The following RALGAPB variants were observed in gnomAD, a reference collection of about 807,000 sequenced individuals.
RALGAPB encodes the protein Ral GTPase activating protein non-catalytic subunit beta, also known as ral GTPase-activating protein subunit beta.
Under a neutral mutation model 161.1 loss-of-function variants are expected in RALGAPB, and 25 were observed. The ratio of observed to expected loss-of-function variants is 0.16; its 90% confidence interval spans 0.11 to 0.22. RALGAPB has a LOEUF of 0.22. RALGAPB is among the 10% of genes least tolerant of loss of function. The pLI is 1.00. For missense variants in RALGAPB, 1,391 were observed against 1,815.2 expected (o/e 0.77, Z 4.25); for synonymous variants, 629 against 626.1 (o/e 1.00, Z -0.07).
intron 9 of RALGAPB, among the ~76,000 whole-genome samples, chr20:38,518,274 T>A (rs1014148888): frequency 1.3e-5 from 2 of 152,210 alleles, no homozygotes; most frequent in Non-Finnish European, 2.9e-5. Flanking sequence ...ATCAGATTTC[T>A]TTCAGTAGGT....
intron 1 of RALGAPB, among the ~76,000 whole-genome samples, chr20:38,485,045 T>C (rs1277045584): frequency 1.3e-5 from 2 of 152,202 alleles, no homozygotes; most frequent in Non-Finnish European, 2.9e-5. Flanking sequence ...GTTCTAAAGA[T>C]AATGAAGCTT....
chr20:38,526,055 A>G lies in RALGAPB; in HGVS notation c.2050+13A>G. 6.2e-7 allele frequency: 1 copy of G among 1,613,214 alleles called. No homozygotes were observed. ...CAAATGATATTAGGTTTGTATTCAC[A>G]CGTTATTTTGTAAGTGAAACCAAAG... On this transcript the variant is annotated intron_variant, in intron 13 of 29. Coordinates refer to ENST00000262879, the MANE Select transcript of RALGAPB (RefSeq NM_020336.4).
intron 13 of RALGAPB, among the ~76,000 whole-genome samples, chr20:38,529,525 AAAAAT>A (rs985012153): frequency 2.0e-5 from 3 of 150,366 alleles, no homozygotes; most frequent in Admixed American, 1.3e-4. Flanking sequence ...CTCAAAAAAA[AAAAAT>A]AAAATAAAAA....
At chr20:38,557,682 A>G (rs954583912) in intron 22 of RALGAPB, among the ~76,000 whole-genome samples, 3 of 152,208 alleles carry the variant, frequency 2.0e-5, no homozygotes, top group Non-Finnish European at 4.4e-5. Context: ...TTCATTCAGT[A>G]TGCATTTAAT....
intron 1 of RALGAPB, among the ~76,000 whole-genome samples, chr20:38,481,317 G>T (rs1230456423): frequency 6.6e-6 from 1 of 152,112 alleles, no homozygotes; most frequent in Non-Finnish European, 1.5e-5. Context: ...CTGTTTTCAT[G>T]CTGCTGATAA....
intron 3 of RALGAPB, among the ~76,000 whole-genome samples, chr20:38,497,114 G>A (rs6070361): frequency 0.011 from 1,614 of 152,270 alleles, 14 homozygotes; most frequent in Non-Finnish European, 0.017. Context: ...TAGTATTCCC[G>A]CCTTCCTCCC....
At chr20:38,546,188 G>A in intron 18 of RALGAPB, 55 bp from the exon 19 acceptor site, 1 of 1,608,906 alleles carries the variant, frequency 6.2e-7, no homozygotes, top group Non-Finnish European at 8.5e-7. Flanking sequence ...GATGCACAAG[G>A]TAAACTGAAG....
intron 13 of RALGAPB, among the ~76,000 whole-genome samples, chr20:38,528,361 ATTTATTT>A (rs2086537710): frequency 2.0e-5 from 3 of 149,954 alleles, no homozygotes; most frequent in Admixed American, 2.0e-4. Flanking sequence ...TTATTTATTT[ATTTATTT>A]ATTTATTTAT....
chr20:38,558,189 T>A (rs2087655599), intron 22 of RALGAPB, 106 bp from the exon 23 acceptor site: 1 of 988,418 alleles, frequency 1.0e-6, no homozygotes, highest in Non-Finnish European at 1.4e-6. Flanking sequence ...TACCATTCTA[T>A]ATTTTTTAAT....
intron 10 of RALGAPB, among the ~76,000 whole-genome samples, chr20:38,523,342 TG>T (rs776936928): frequency 6.6e-6 from 1 of 152,116 alleles, no homozygotes; most frequent in East Asian, 1.9e-4. Flanking sequence ...CCACTTGTTG[TG>T]GGGGCATGTT....
chr20:38,485,636 A>G (rs1459239547), intron 1 of RALGAPB, among the ~76,000 whole-genome samples: 1 of 152,154 alleles, frequency 6.6e-6, no homozygotes, highest in East Asian at 1.9e-4. Flanking sequence ...CCTGTTGGCC[A>G]TGCTGGTCTC....
chr20:38,503,324 ATTG>A (rs2085651454), intron 5 of RALGAPB, among the ~76,000 whole-genome samples: 1 of 152,154 alleles, frequency 6.6e-6, no homozygotes, highest in Non-Finnish European at 1.5e-5. Flanking sequence ...TCTAGTCCCT[ATTG>A]TTCAGGGGTC....
At chr20:38,557,161 A>C (rs1306126499) in intron 22 of RALGAPB, among the ~76,000 whole-genome samples, 1 of 152,208 alleles carries the variant, frequency 6.6e-6, no homozygotes, top group Non-Finnish European at 1.5e-5. Context: ...ATAGGGGATT[A>C]AGAGGAAAAC....
At position 38,528,569 on chromosome 20, in the gene RALGAPB, C is replaced by G. The variant is rs527325886; in HGVS notation, c.2050+2527C>G. The stretch of plus-strand genomic sequence containing the variant: ...GTTGTTGTTAGAATAGGGTCTTGCT[C>G]TGTTGCCCAGGCTGGTCTCGGACTT... On this transcript the variant is annotated intron_variant, in intron 13 of 29. Transcript: ENST00000262879. Among the ~76,000 whole-genome samples the G allele has an allele frequency of 2.6e-5, 4 of 152,180 alleles. No homozygotes were observed. The South Asian group carries it at 6.2e-4, about 24-fold the overall frequency.
rs1308521971 is a variant in RALGAPB, at chr20:38,561,280, C to T, written c.3532-1252C>T. 6.6e-5 allele frequency among the ~76,000 whole-genome samples: 10 copies of T among 152,224 alleles called. No individual in the cohort carries two copies. The South Asian group carries it at 8.3e-4, about 13-fold the overall frequency. ...TGGAGCTTGCAGTGAGCAGAGATTG[C>T]GCCACTGCACTCCAGCCTGGGCGAC... On this transcript the variant is annotated intron_variant, in intron 23 of 29. Transcript: ENST00000262879.
chr20:38,494,867 GA>G (rs962503752), intron 3 of RALGAPB, among the ~76,000 whole-genome samples: 4 of 151,932 alleles, frequency 2.6e-5, no homozygotes, highest in African/African-American at 7.3e-5. Context: ...TTGTATTGAT[GA>G]AAAAAAATTA....
chr20:38,521,729 A>G (rs767993010), intron 10 of RALGAPB, 31 bp downstream of exon 10: 4 of 1,608,362 alleles, frequency 2.5e-6, no homozygotes, highest in Middle Eastern at 1.7e-4. Context: ...TTTTTCATTT[A>G]TATAGTTTTG....
chr20:38,490,946 A>C (rs1333409327), intron 2 of RALGAPB, among the ~76,000 whole-genome samples: 1 of 152,250 alleles, frequency 6.6e-6, no homozygotes, highest in Non-Finnish European at 1.5e-5. Flanking sequence ...CGCCTGGCCT[A>C]GAATTATAAA....
intron 1 of RALGAPB, 73 bp from the exon 2 acceptor site, chr20:38,488,330 T>C: frequency 2.1e-6 from 2 of 965,100 alleles, no homozygotes; most frequent in East Asian, 2.5e-5. Context: ...CAATAGTCTA[T>C]ACATCTGTTT....
Sources: gnomAD v4.1 joint callset for allele counts (sites outside exome capture counted in the v4.1 genomes callset) on GRCh38, gnomAD v4.1.1 for gene constraint, MANE v1.5 for transcripts, NCBI Gene and HGNC (gene_info 2026-07-23, HGNC 2026-07-21) for gene names.